LPIN2: variants seen among roughly 807,000 people sequenced by gnomAD.
The protein encoded by LPIN2 is phosphatidate phosphatase LPIN2.
LPIN2 carries 55 observed loss-of-function variants against 111.4 expected under a neutral mutation model. That is an observed-to-expected ratio of 0.49 (90% CI 0.40 to 0.62). The LOEUF (loss-of-function observed/expected upper bound fraction) is 0.62. LPIN2 is among the 20% of genes least tolerant of loss of function. The pLI is 0.00. For synonymous variants in LPIN2, 425 were observed against 414.0 expected (o/e 1.03, Z -0.32); for missense variants, 992 against 1,112.1 (o/e 0.89, Z 1.54).
chr18:2,960,562 G>T, intron 2 of LPIN2, 87 bp downstream of exon 2: 6 of 1,288,590 alleles, frequency 4.7e-6, no homozygotes, highest in Non-Finnish European at 6.7e-6. Context: ...TTTATTCATA[G>T]AGGATGACTT....
Position 2,926,730 on chromosome 18 carries a change from C to T in LPIN2, c.1786G>A (p.Gly596Ser), listed in dbSNP as rs769806854. The T allele has an allele frequency of 1.5e-5, 24 of 1,612,608 alleles. No homozygotes were observed. The South Asian group carries it at 1.6e-4, about 11-fold the overall frequency. ...DLPSSSKEPA[G>S]ARPAENDSSS... ...AGAGGACAGGGCACCCACCTGGCAC[C>T]GGCCGGCTCCTTGGAGCTGGATGGC... The change falls in exon 13 of 20, where the codon GGT becomes AGT. Residue 596 changes from glycine to serine, a missense_variant. Coordinates refer to ENST00000677752, the MANE Select transcript of LPIN2 (RefSeq NM_001375808.2).
intron 1 of LPIN2, among the ~76,000 whole-genome samples, chr18:2,976,836 T>G (rs1399842933): frequency 6.6e-6 from 1 of 151,956 alleles, no homozygotes; most frequent in African/African-American, 2.4e-5. Flanking sequence ...TAACAAAGAG[T>G]ACTTAACTAA....
At chr18:3,009,085 A>T (rs2078562024) in intron 1 of LPIN2, among the ~76,000 whole-genome samples, 1 of 152,008 alleles carries the variant, frequency 6.6e-6, no homozygotes, top group South Asian at 2.1e-4. Flanking sequence ...TGCGCAACAC[A>T]GGGAGACTTC....
intron 3 of LPIN2, among the ~76,000 whole-genome samples, chr18:2,952,377 T>A (rs936395779): frequency 7.2e-5 from 11 of 152,110 alleles, no homozygotes; most frequent in Non-Finnish European, 1.5e-5. Flanking sequence ...TGAGCCGAGA[T>A]CATGCCACTG....
intron 2 of LPIN2, among the ~76,000 whole-genome samples, chr18:2,956,299 T>C (rs1440767454): frequency 7.3e-6 from 1 of 137,092 alleles, no homozygotes; most frequent in Non-Finnish European, 1.6e-5. Flanking sequence ...GATTTTCATA[T>C]ATAGATGCAG....
intron 6 of LPIN2, among the ~76,000 whole-genome samples, chr18:2,938,573 A>T (rs368233334): frequency 6.6e-6 from 1 of 152,214 alleles, no homozygotes; most frequent in South Asian, 2.1e-4. Flanking sequence ...ATACTGGAGA[A>T]GACTGAGGAA....
chr18:2,955,551 A>G (rs1370647425), intron 2 of LPIN2, among the ~76,000 whole-genome samples: 1 of 152,186 alleles, frequency 6.6e-6, no homozygotes, highest in South Asian at 2.1e-4. Context: ...TGGAGTTCAC[A>G]TTTCAACATG....
chr18:3,005,833 C>T (rs767921625), intron 1 of LPIN2, among the ~76,000 whole-genome samples: 2 of 152,164 alleles, frequency 1.3e-5, no homozygotes, highest in Non-Finnish European at 2.9e-5. Context: ...TGAGACCAAC[C>T]TGGGCAACAC....
intron 1 of LPIN2, among the ~76,000 whole-genome samples, chr18:2,997,777 AC>A (rs1412140735): frequency 6.6e-6 from 1 of 152,114 alleles, no homozygotes; most frequent in Admixed American, 6.5e-5. Flanking sequence ...AGGATTCCTT[AC>A]CCCCCATGCC....
intron 2 of LPIN2, 162 bp downstream of exon 2, chr18:2,960,487 G>A (rs1214772898): frequency 1.0e-5 from 7 of 699,236 alleles, no homozygotes; most frequent in African/African-American, 1.8e-5. Context: ...TTGACTTCTC[G>A]TAACATTGTC....
intron 1 of LPIN2, among the ~76,000 whole-genome samples, chr18:2,999,117 A>C (rs1356283796): frequency 6.6e-6 from 1 of 152,228 alleles, no homozygotes; most frequent in Non-Finnish European, 1.5e-5. Flanking sequence ...CACATGTGTT[A>C]TCCCCACTCT....
chr18:2,990,452 T>A (rs2078248324), intron 1 of LPIN2, among the ~76,000 whole-genome samples: 1 of 152,238 alleles, frequency 6.6e-6, no homozygotes. Flanking sequence ...GACAAATGAT[T>A]CAATTAAAAT....
At chr18:2,982,406 TC>T (rs1433492204) in intron 1 of LPIN2, among the ~76,000 whole-genome samples, 1 of 151,730 alleles carries the variant, frequency 6.6e-6, no homozygotes, top group African/African-American at 2.4e-5. Flanking sequence ...TTCATTTTTT[TC>T]CTAGGAAAAA....
At chr18:3,009,788 G>T (rs1031958853) in intron 1 of LPIN2, among the ~76,000 whole-genome samples, 1 of 152,116 alleles carries the variant, frequency 6.6e-6, no homozygotes, top group African/African-American at 2.4e-5. Flanking sequence ...TGACAAACCT[G>T]ATCACCGAAA....
chr18:2,923,384 C>T (rs945455901), intron 16 of LPIN2, among the ~76,000 whole-genome samples: 5 of 113,724 alleles, frequency 4.4e-5, no homozygotes, highest in South Asian at 6.1e-4. Context: ...CGCGCCATTG[C>T]ACTTCAGCCT....
chr18:2,943,992 G>T (rs2077406236), intron 4 of LPIN2, among the ~76,000 whole-genome samples: 1 of 151,820 alleles, frequency 6.6e-6, no homozygotes, highest in African/African-American at 2.4e-5. Flanking sequence ...AGACTCAAGG[G>T]GTTTGGGAAA....
intron 1 of LPIN2, among the ~76,000 whole-genome samples, chr18:3,006,641 C>A (rs920305193): frequency 2.0e-5 from 3 of 152,056 alleles, no homozygotes; most frequent in African/African-American, 7.2e-5. Context: ...ATCGAGACCA[C>A]CCTGGCTAAC....
rs1221747977 is a variant in LPIN2, at chr18:2,951,081, A to G, written c.564T>C (p.Asp188=). 6.2e-7 allele frequency: 1 copy of G among 1,614,128 alleles called. No individual in the cohort carries two copies. The highest frequency in any genetic ancestry group is 1.7e-5 in the Admixed American group (1 of 60,018). ...EDTCDVGVSS[D]DDKGAQAARG... ...GTGCTGCCTGGGCCCCCTTGTCATC[A>G]TCGGAGCTCACGCCTACATCACATG... Residue 188 remains aspartate (D), a synonymous_variant, in exon 4 of 20, where the codon GAT becomes GAC. Coordinates refer to ENST00000677752, the MANE Select transcript of LPIN2 (RefSeq NM_001375808.2).
chr18:2,967,474 CT>C (rs1288245401), intron 1 of LPIN2: 1 of 152,290 alleles, frequency 6.6e-6, no homozygotes, highest in Admixed American at 6.5e-5. Flanking sequence ...CCGCAAGCTT[CT>C]CCCCGGTCAG....
Sources: allele counts gnomAD v4.1 joint callset (sites outside exome capture counted in the v4.1 genomes callset), GRCh38; gene constraint gnomAD v4.1.1; transcripts MANE v1.5; gene names NCBI Gene and HGNC (gene_info 2026-07-23, HGNC 2026-07-21).